EIF2AK1: variants seen among roughly 807,000 people sequenced by gnomAD.
EIF2AK1 encodes the protein eukaryotic translation initiation factor 2 alpha kinase 1.
Under a neutral mutation model 77.9 loss-of-function variants are expected in EIF2AK1, and 54 were observed. The ratio of observed to expected loss-of-function variants is 0.69; its 90% CI spans 0.56 to 0.87. The LOEUF (loss-of-function observed/expected upper bound fraction) is 0.87. Among genes scored for constraint, EIF2AK1 ranks in the 40% least tolerant of loss-of-function variants. EIF2AK1 has a pLI of 0.00. For synonymous variants in EIF2AK1, 314 were observed against 290.5 expected (o/e 1.08, Z -0.82); for missense variants, 810 against 768.6 (o/e 1.05, Z -0.64).
intron 3 of EIF2AK1, 163 bp downstream of exon 3, chr7:6,049,749 A>G: frequency 1.6e-6 from 1 of 611,812 alleles, no homozygotes; most frequent in Non-Finnish European, 2.6e-6. Flanking sequence ...CAGCCTCCCA[A>G]AGTGCTGGGA....
intron 4 of EIF2AK1, 73 bp downstream of exon 4, chr7:6,048,734 C>T: frequency 8.1e-7 from 1 of 1,234,704 alleles, no homozygotes; most frequent in South Asian, 1.4e-5. Flanking sequence ...ATGTTTTAAC[C>T]TCAAATCAGT....
At chr7:6,056,629 T>TATATATATATGG (rs1788781207) in intron 1 of EIF2AK1, among the ~76,000 whole-genome samples, 1 of 55,178 alleles carries the variant, frequency 1.8e-5, no homozygotes, top group African/African-American at 1.2e-4. Context: ...TATATATATA[T>TATATATATATGG]ATATATAAAC....
rs779885923 is a variant in EIF2AK1 at position 6,028,681 on chromosome 7, C to T, written c.1464G>A (p.Thr488=). 3.7e-6 allele frequency: 6 copies of T among 1,614,080 alleles called. No homozygotes were observed. Among genetic ancestry groups the T allele is most frequent in the Middle Eastern group, 1.6e-4 (1 of 6,084 alleles). Residue 488 remains threonine, a synonymous_variant, in exon 13 of 15, where the codon ACG becomes ACA. Transcript: ENST00000199389. ...CGTACAGACAAGTACCCACTCTGGA[C>T]GTATGTGTTGGTGTTCCTATCATTT... ...NRNGKRTPTH[T]SRVGTCLYAS... is the part of the protein sequence containing the mutation.
chr7:6,035,669 C>G lies in EIF2AK1; in HGVS notation c.1332+1755G>C, dbSNP rs769453650. ...TCCACCTGGCCATAGCATATGGTTG[C>G]TATCCAGTTCTCTCCATTTTGACCC... On this transcript the variant is annotated intron_variant, in intron 11 of 14. Transcript: ENST00000199389. The surrounding 1 kb of genome is among the most constrained non-coding windows in gnomAD (Gnocchi z 5.5). The G allele has an allele frequency of 7.7e-6, 12 of 1,550,702 alleles. No individual in the cohort carries two copies. The highest frequency in any genetic ancestry group is 9.6e-6 in the Non-Finnish European group (11 of 1,147,056).
At position 6,059,021 on chromosome 7, in the gene EIF2AK1, C is replaced by A; in HGVS notation, c.63G>T (p.Val21=). The part of the protein sequence containing the change: ...REEEGDGAGA[V]AAPPAIDFPA... ...GAAAGTCGATGGCCGGCGGCGCAGC[C>A]ACAGCCCCAGCCCCGTCGCCCTCCT... Residue 21 remains valine, a synonymous_variant, in exon 1 of 15, where the codon GTG becomes GTT. Coordinates refer to ENST00000199389, the MANE Select transcript of EIF2AK1 (RefSeq NM_014413.4). The A allele has an allele frequency of 4.5e-6, 7 of 1,541,342 alleles. No homozygotes were observed. Among genetic ancestry groups the A allele is most frequent in the Non-Finnish European group, 4.4e-6 (5 of 1,148,584 alleles).
At position 6,023,718 on chromosome 7, in the gene EIF2AK1, T is replaced by A; in HGVS notation, c.*955A>T. On this transcript the variant is annotated 3_prime_UTR_variant, in exon 15 of 15. Transcript: ENST00000199389. ...TTGCCGTAACTGATTTTAAAGGGTT[T>A]AGATTTTAAGAATGGTGCTCTTTCA... 6.2e-7 allele frequency: 1 copy of A among 1,614,194 alleles called. No individual in the cohort carries two copies. The highest frequency in any genetic ancestry group is 8.5e-7 in the Non-Finnish European group (1 of 1,180,034).
In EIF2AK1 at chr7:6,058,471, GC is replaced by G. The variant is rs201310085; in HGVS notation, c.118+494del. ...AAAGACGTTTATTTATTTCCACGCT[GC>G]CTCACTATAAGAAATCTTTAGTTCT... is the stretch of plus-strand genomic sequence containing the variant. On this transcript the variant is annotated intron_variant, in intron 1 of 14. Coordinates refer to ENST00000199389, the MANE Select transcript of EIF2AK1 (RefSeq NM_014413.4). 4.3e-3 allele frequency among the ~76,000 whole-genome samples: 658 copies of G among 152,244 alleles called. 4 individuals carry two copies. The highest frequency in any genetic ancestry group is 0.015 in the African/African-American group (617 of 41,548).
Position 6,026,955 on chromosome 7 carries a change from T to C in EIF2AK1, c.1537A>G (p.Met513Val). 1.2e-6 allele frequency: 2 copies of C among 1,613,238 alleles called. No homozygotes were observed. The highest frequency in any genetic ancestry group is 1.3e-5 in the African/African-American group (1 of 74,908). ...AGCAGGACCACACCCAAGCTGTACA[T>C]ATCTGACTGGAAAAAGAAAAAAAGG... ...EGSEYDAKSDMYSLGVVLLEL... is the reference protein window; with the variant it reads ...EGSEYDAKSDVYSLGVVLLEL... The change falls in exon 14 of 15, where the codon ATG becomes GTG. Residue 513 changes from methionine (M) to valine (V), a missense_variant. Physicochemically the swap from Met to Val is conservative, Grantham distance 21 (BLOSUM62 1). Coordinates refer to ENST00000199389, the MANE Select transcript of EIF2AK1 (RefSeq NM_014413.4).
intron 11 of EIF2AK1, among the ~76,000 whole-genome samples, chr7:6,034,560 T>G (rs1788020659): frequency 6.6e-6 from 1 of 152,156 alleles, no homozygotes. Context: ...CTTCCACTAT[T>G]TACTGAGCTG....
chr7:6,023,635 A>G lies in EIF2AK1; in HGVS notation c.*1038T>C, dbSNP rs1278445417. 8.1e-6 allele frequency: 13 copies of G among 1,614,178 alleles called. 1 individual carries two copies. Among genetic ancestry groups the G allele is most frequent in the South Asian group, 1.1e-5 (1 of 91,080 alleles). On this transcript the variant is annotated 3_prime_UTR_variant, in exon 15 of 15. Transcript: ENST00000199389. Reference sequence around the variant, plus strand: ...AGTGCCAGCCAATGTGCAGAGGTGGATGAGGTCTTGTGAAAACCTGGCTCC... The same window carrying G: ...AGTGCCAGCCAATGTGCAGAGGTGGGTGAGGTCTTGTGAAAACCTGGCTCC...
At chr7:6,029,155 G>A in intron 11 of EIF2AK1, 123 bp from the exon 12 acceptor site, 1 of 797,130 alleles carries the variant, frequency 1.3e-6, no homozygotes, top group South Asian at 1.6e-5. Flanking sequence ...AATATTTGAG[G>A]AATAGTTCCC....
intron 14 of EIF2AK1, among the ~76,000 whole-genome samples, chr7:6,025,919 A>G (rs904103585): frequency 1.3e-5 from 2 of 152,028 alleles, no homozygotes; most frequent in African/African-American, 4.8e-5. Context: ...GATTACAGGC[A>G]TGAGCCACCC....
At chr7:6,055,189 A>G (rs553809087) in intron 1 of EIF2AK1, among the ~76,000 whole-genome samples, 2 of 152,068 alleles carry the variant, frequency 1.3e-5, no homozygotes, top group South Asian at 4.2e-4. Context: ...CTAAAAATAC[A>G]AAATTAGCCG....
chr7:6,043,232 T>C (rs901756977), intron 7 of EIF2AK1, among the ~76,000 whole-genome samples: 14 of 152,072 alleles, frequency 9.2e-5, no homozygotes, highest in African/African-American at 3.4e-4. Flanking sequence ...GTAAATATTT[T>C]AGGTTTTAGG....
At chr7:6,038,864 C>G (rs1157140912) in intron 9 of EIF2AK1, among the ~76,000 whole-genome samples, 193 bp from the exon 10 acceptor site, 6 of 152,078 alleles carry the variant, frequency 3.9e-5, no homozygotes, top group Admixed American at 2.0e-4. Flanking sequence ...AGCCCAAAGT[C>G]TAATGAAAGT....
At position 6,024,201 on chromosome 7, in the gene EIF2AK1, A is replaced by C. The variant is rs1315860145; in HGVS notation, c.*472T>G. ...TGAGCTTTTATCTTAGAGGCAGCAG[A>C]AGGTTTGGAGCCAAGGAATGAAATG... On this transcript the variant is annotated 3_prime_UTR_variant, in exon 15 of 15. Coordinates refer to ENST00000199389, the MANE Select transcript of EIF2AK1 (RefSeq NM_014413.4). 5.6e-6 allele frequency: 7 copies of C among 1,246,876 alleles called. No individual in the cohort carries two copies. In the African/African-American group the frequency reaches 6.2e-5, roughly 11 times the overall value. 77.2% of individuals were successfully genotyped at this position (1,246,876 alleles called of 1,614,324 possible).
Position 6,023,575 on chromosome 7 carries a change from T to C in EIF2AK1, c.*1098A>G. 2 of 1,614,240 alleles carry C rather than the reference T, an allele frequency of 1.2e-6. No individual in the cohort carries two copies. The highest frequency in any genetic ancestry group is 1.7e-6 in the Non-Finnish European group (2 of 1,180,050). On this transcript the variant is annotated 3_prime_UTR_variant, in exon 15 of 15. Coordinates refer to ENST00000199389, the MANE Select transcript of EIF2AK1 (RefSeq NM_014413.4). ...CACCGTAGCAGACGTGGTGCTGTGG[T>C]CTGTACTCCAGCAGATCGGAGGCTG...
Position 6,033,230 on chromosome 7 carries a change from A to T in EIF2AK1, c.1332+4194T>A, listed in dbSNP as rs1787968327. Among the ~76,000 whole-genome samples, 1 of 152,090 alleles carries T rather than the reference A, an allele frequency of 6.6e-6. No individual in the cohort carries two copies. The highest frequency in any genetic ancestry group is 2.1e-4 in the South Asian group (1 of 4,820). On this transcript the variant is annotated intron_variant, in intron 11 of 14. Transcript: ENST00000199389. The surrounding 1 kb of genome is among the most constrained non-coding windows in gnomAD (Gnocchi z 4.4). ...GTGATCCACCTGCCTCGGCCTCCCA[A>T]AGTGCTGGGATTAACAGCCCTCAGC...
In EIF2AK1 at chr7:6,058,960, C is replaced by T. The variant is rs1483478125; in HGVS notation, c.118+6G>A. ...AGAGCGGCGACGCCGCGATCCGATC[C>T]CTCACCGTCATATTCGGGGTCCGGG... On this transcript the variant is annotated splice_donor_region_variant and intron_variant, in intron 1 of 14. Coordinates refer to ENST00000199389, the MANE Select transcript of EIF2AK1 (RefSeq NM_014413.4). 9 of 1,527,424 alleles carry T rather than the reference C, an allele frequency of 5.9e-6. No homozygotes were observed. Among genetic ancestry groups the T allele is most frequent in the Non-Finnish European group, 7.9e-6 (9 of 1,138,802 alleles). The allele number at this position is 1,527,424 out of a possible 1,614,324, so 94.6% of individuals were successfully genotyped here. A position where few individuals can be genotyped will look rare whatever the true frequency, so the allele number is the denominator to read the frequency against.
Sources: allele counts gnomAD v4.1 joint callset (sites outside exome capture counted in the v4.1 genomes callset), GRCh38; gene constraint gnomAD v4.1.1; non-coding constraint Gnocchi (gnomAD v3.1); transcripts MANE v1.5; gene names NCBI Gene and HGNC (gene_info 2026-07-23, HGNC 2026-07-21).